The following RBFOX1 variants were observed in gnomAD, a reference collection of about 807,000 sequenced individuals.
RBFOX1 encodes the protein RNA binding fox-1 homolog 1, also known as RNA binding protein fox-1 homolog 1.
In RBFOX1, 8 loss-of-function variants were observed where a neutral mutation model predicts 57.7. That is an observed-to-expected ratio of 0.14 (90% CI 0.08 to 0.25). The LOEUF (loss-of-function observed/expected upper bound fraction) is 0.25, where lower values mean the gene tolerates loss of function less well. Among genes scored for constraint, RBFOX1 ranks in the 10% least tolerant of loss-of-function variants. The pLI is 1.00. For synonymous variants in RBFOX1, 326 were observed against 222.4 expected (o/e 1.47, Z -4.15); for missense variants, 611 against 548.5 (o/e 1.11, Z -1.14).
chr16:5,453,409 C>T (rs541735896), intron 1 of RBFOX1, among the ~76,000 whole-genome samples: 3 of 152,104 alleles, frequency 2.0e-5, no homozygotes, highest in Admixed American at 6.5e-5. Context: ...ATAAGAATAC[C>T]ATGGCACACT....
intron 5 of RBFOX1, among the ~76,000 whole-genome samples, chr16:7,549,011 G>T (rs1391253423): frequency 6.6e-6 from 1 of 152,240 alleles, no homozygotes; most frequent in African/African-American, 2.4e-5. Flanking sequence ...GTAATGGCTA[G>T]CCCAGATGGT....
intron 2 of RBFOX1, among the ~76,000 whole-genome samples, chr16:6,364,355 T>A (rs1008318173): frequency 6.6e-6 from 1 of 152,206 alleles, no homozygotes; most frequent in Non-Finnish European, 1.5e-5. Context: ...TCCTCTCCTC[T>A]TCCTCTTTCT....
intron 4 of RBFOX1, among the ~76,000 whole-genome samples, chr16:7,266,147 T>C (rs1037721657): frequency 6.6e-6 from 1 of 151,906 alleles, no homozygotes; most frequent in Non-Finnish European, 1.5e-5. Context: ...GCTAATTTTT[T>C]ATATTTTTTA....
chr16:7,520,095 C>T (rs577735217), intron 5 of RBFOX1, among the ~76,000 whole-genome samples: 1 of 152,214 alleles, frequency 6.6e-6, no homozygotes, highest in East Asian at 1.9e-4. Context: ...CTGTGTTATC[C>T]AGGATGATCT....
chr16:5,506,519 G>A (rs2043385176), intron 2 of RBFOX1, among the ~76,000 whole-genome samples: 2 of 152,150 alleles, frequency 1.3e-5, no homozygotes, highest in South Asian at 2.1e-4. Flanking sequence ...AGTACACAAA[G>A]GCTTCTGCTC....
intron 2 of RBFOX1, among the ~76,000 whole-genome samples, chr16:6,334,965 G>A (rs1263125786): frequency 6.6e-6 from 1 of 152,236 alleles, no homozygotes; most frequent in Non-Finnish European, 1.5e-5. Flanking sequence ...TGTCAAGCAA[G>A]AGAGAACAGT....
chr16:7,031,282 T>C (rs1349821151), intron 3 of RBFOX1, among the ~76,000 whole-genome samples: 1 of 152,144 alleles, frequency 6.6e-6, no homozygotes, highest in Non-Finnish European at 1.5e-5. Context: ...TTAACCTTTG[T>C]GACTACACTG....
intron 4 of RBFOX1, among the ~76,000 whole-genome samples, chr16:7,228,831 T>G (rs1373697842): frequency 6.6e-6 from 1 of 152,216 alleles, no homozygotes; most frequent in Non-Finnish European, 1.5e-5. Flanking sequence ...CGGTTCTAAC[T>G]TCACGTTCAC....
At chr16:7,271,258 C>G (rs934536872) in intron 4 of RBFOX1, among the ~76,000 whole-genome samples, 4 of 151,956 alleles carry the variant, frequency 2.6e-5, no homozygotes, top group East Asian at 1.9e-4. Context: ...TGTTTGATCT[C>G]TGTCCTTTTT....
intron 1 of RBFOX1, among the ~76,000 whole-genome samples, chr16:6,240,963 T>A (rs1352102300): frequency 6.6e-6 from 1 of 152,202 alleles, no homozygotes; most frequent in African/African-American, 2.4e-5. Flanking sequence ...CACCCTGATG[T>A]TTTTCCCCTT....
chr16:7,115,049 A>G (rs2065588399), intron 4 of RBFOX1, among the ~76,000 whole-genome samples: 2 of 152,170 alleles, frequency 1.3e-5, no homozygotes, highest in Admixed American at 6.5e-5. Flanking sequence ...TCTTCAACTC[A>G]CTGAGTTTGT....
chr16:5,430,832 T>C (rs1348680080), intron 1 of RBFOX1, among the ~76,000 whole-genome samples: 1 of 152,214 alleles, frequency 6.6e-6, no homozygotes, highest in Non-Finnish European at 1.5e-5. Flanking sequence ...AACATACAGA[T>C]ACAACAGCCA....
intron 4 of RBFOX1, among the ~76,000 whole-genome samples, chr16:7,434,314 A>G (rs1435195560): frequency 1.3e-5 from 2 of 152,078 alleles, no homozygotes; most frequent in African/African-American, 2.4e-5. Flanking sequence ...TACTAAAAAT[A>G]CAAAAAAATT....
At chr16:6,998,944 C>G (rs1358649917) in intron 3 of RBFOX1, among the ~76,000 whole-genome samples, 1 of 151,238 alleles carries the variant, frequency 6.6e-6, no homozygotes, top group Non-Finnish European at 1.5e-5. Context: ...TCTAGGCTCA[C>G]TGTAACCTCC....
At chr16:7,075,109 G>T (rs1183371240) in intron 4 of RBFOX1, among the ~76,000 whole-genome samples, 1 of 152,218 alleles carries the variant, frequency 6.6e-6, no homozygotes, top group Non-Finnish European at 1.5e-5. Context: ...TATTTGAAAT[G>T]TGTACTCATG....
At chr16:7,200,360 G>T (rs1168072243) in intron 4 of RBFOX1, among the ~76,000 whole-genome samples, 1 of 152,208 alleles carries the variant, frequency 6.6e-6, no homozygotes, top group East Asian at 1.9e-4. Flanking sequence ...AATGTGACAG[G>T]AAGCACGCAT....
chr16:5,425,069 C>T (rs12597346), intron 1 of RBFOX1, among the ~76,000 whole-genome samples: 1,621 of 8,804 alleles, frequency 0.18, 53 homozygotes, highest in East Asian at 0.32. Context: ...CCTTTCTTAT[C>T]TATCTATCTA....
chr16:6,592,417 A>G (rs1394540663), intron 2 of RBFOX1, among the ~76,000 whole-genome samples: 1 of 152,204 alleles, frequency 6.6e-6, no homozygotes, highest in Non-Finnish European at 1.5e-5. Context: ...TAATACAGGA[A>G]CAAGAGTGTC....
chr16:5,352,818 C>T (rs916953209), intron 1 of RBFOX1, among the ~76,000 whole-genome samples: 12 of 151,956 alleles, frequency 7.9e-5, no homozygotes, highest in African/African-American at 2.7e-4. Context: ...TGGCATGCAC[C>T]TGTAGTCCCA....
Sources: gnomAD v4.1 joint callset for allele counts (sites outside exome capture counted in the v4.1 genomes callset) on GRCh38, gnomAD v4.1.1 for gene constraint, MANE v1.5 for transcripts, NCBI Gene and HGNC (gene_info 2026-07-23, HGNC 2026-07-21) for gene names.